The following ZFPM2 variants were observed in gnomAD, a reference collection of about 807,000 sequenced individuals.
ZFPM2 encodes the protein zinc finger protein ZFPM2.
ZFPM2 carries 20 observed loss-of-function variants against 98.6 expected under a neutral mutation model. That is an observed-to-expected ratio of 0.20 (90% CI 0.14 to 0.29). ZFPM2 has a LOEUF of 0.29. Among genes scored for constraint, ZFPM2 ranks in the 10% least tolerant of loss-of-function variants. The probability of loss-of-function intolerance (pLI) is 1.00; values close to 1 mark genes in which losing one functional copy is unlikely to be tolerated. For synonymous variants in ZFPM2, 518 were observed against 502.7 expected, an observed-to-expected ratio of 1.03 and a Z score of -0.41; for missense variants, 1,310 against 1,388.6, an observed-to-expected ratio of 0.94 and a Z score of 0.90.
At chr8:105,721,462 C>G in intron 5 of ZFPM2, among the ~76,000 whole-genome samples, 1 of 151,996 alleles carries the variant, frequency 6.6e-6, no homozygotes, top group East Asian at 1.9e-4. Flanking sequence ...TTATCTTTTT[C>G]TCACAGCTTT....
At chr8:105,370,475 A>C (rs1238590734) in intron 1 of ZFPM2, among the ~76,000 whole-genome samples, 1 of 152,220 alleles carries the variant, frequency 6.6e-6, no homozygotes, top group Non-Finnish European at 1.5e-5. Flanking sequence ...TGGGCTACAT[A>C]AACTTTATAA....
chr8:105,500,591 G>A (rs147879328), intron 3 of ZFPM2, among the ~76,000 whole-genome samples: 18 of 152,128 alleles, frequency 1.2e-4, no homozygotes, highest in East Asian at 5.8e-4. Flanking sequence ...GAGACAGAAC[G>A]TTAGGTTTTA....
chr8:105,334,081 G>A (rs2129638637), intron 1 of ZFPM2, among the ~76,000 whole-genome samples: 1 of 146,798 alleles, frequency 6.8e-6, no homozygotes, highest in East Asian at 2.1e-4. Flanking sequence ...GTGAATGTCA[G>A]TATTTTCATA....
intron 3 of ZFPM2, among the ~76,000 whole-genome samples, chr8:105,500,458 A>G (rs949343829): frequency 5.9e-5 from 9 of 152,170 alleles, no homozygotes; most frequent in African/African-American, 1.9e-4. Context: ...TCTGGCCTGT[A>G]TCCCTTCTGT....
chr8:105,705,151 G>GAT lies in ZFPM2; in HGVS notation c.532+70809_532+70810dup, dbSNP rs10538317. Among the ~76,000 whole-genome samples, 193 of 149,170 alleles carry GAT rather than the reference G, an allele frequency of 1.3e-3. 1 individual carries two copies. The highest frequency in any genetic ancestry group is 2.1e-3 in the African/African-American group (86 of 40,200). ...TGCCTCTTTATGTGTTTTCTGAATT[G>GAT]ATATATATATATATATGTATTCTGA... On this transcript the variant is annotated intron_variant, in intron 5 of 7. Coordinates refer to ENST00000407775, the MANE Select transcript of ZFPM2 (RefSeq NM_012082.4).
At chr8:105,358,341 C>G (rs1812788947) in intron 1 of ZFPM2, 1 of 151,842 alleles carries the variant, frequency 6.6e-6, no homozygotes, top group Non-Finnish European at 1.5e-5. Flanking sequence ...ATGCCTGGCC[C>G]CAAGGTTTAT....
chr8:105,481,187 T>C (rs1281722592), intron 3 of ZFPM2, among the ~76,000 whole-genome samples: 1 of 152,104 alleles, frequency 6.6e-6, no homozygotes, highest in Non-Finnish European at 1.5e-5. Flanking sequence ...GTAAGAATAT[T>C]TCTAAAAAAA....
chr8:105,619,703 G>GC (rs1755298852), intron 4 of ZFPM2, among the ~76,000 whole-genome samples: 1 of 149,816 alleles, frequency 6.7e-6, no homozygotes, highest in African/African-American at 2.5e-5. Flanking sequence ...CCCGCGACAG[G>GC]CCCCAGTGTG....
chr8:105,455,513 A>T (rs968518943), intron 3 of ZFPM2, among the ~76,000 whole-genome samples: 6 of 151,690 alleles, frequency 4.0e-5, no homozygotes, highest in Non-Finnish European at 8.8e-5. Flanking sequence ...GTAGTCTGTA[A>T]TACTATTATT....
At position 105,517,578 on chromosome 8, in the gene ZFPM2, A is replaced by G. The variant is rs144180314; in HGVS notation, c.302-43785A>G. ...TTAAGATCTACTCTTGGCTGGATGCAATGGTTCACGCCTGTAATCCCAGCA... is the reference window on the plus strand; with the variant it reads ...TTAAGATCTACTCTTGGCTGGATGCGATGGTTCACGCCTGTAATCCCAGCA... On this transcript the variant is annotated intron_variant, in intron 3 of 7. Transcript: ENST00000407775. Among the ~76,000 whole-genome samples the G allele has an allele frequency of 6.0e-4, 92 of 152,088 alleles. 1 individual carries two copies. Among genetic ancestry groups the G allele is most frequent in the African/African-American group, 2.0e-3 (81 of 41,494 alleles).
chr8:105,334,118 CTGTGTGTG>C (rs71305145), intron 1 of ZFPM2, among the ~76,000 whole-genome samples: 9 of 120,398 alleles, frequency 7.5e-5, no homozygotes, highest in African/African-American at 1.4e-4. Flanking sequence ...TAGTAATAAA[CTGTGTGTG>C]TGTGTGTGTG....
chr8:105,802,651 A>T lies in ZFPM2; in HGVS notation c.2569A>T (p.Thr857Ser). The T allele has an allele frequency of 1.2e-6, 2 of 1,611,108 alleles. No homozygotes were observed. Among genetic ancestry groups the T allele is most frequent in the South Asian group, 1.1e-5 (1 of 90,486 alleles). Residue 857 changes from threonine to serine, a missense_variant, in exon 8 of 8, where the codon ACT becomes TCT. By Grantham distance (58) the Thr-to-Ser change is moderately conservative (BLOSUM62 1). Transcript: ENST00000407775. ...PKRLLDYHEC[T>S]VCKISFNKVE... ...AAGGCTGCTGGACTATCACGAGTGC[A>T]CTGTGTGCAAGATCAGTTTCAATAA...
intron 5 of ZFPM2, among the ~76,000 whole-genome samples, chr8:105,782,691 T>C (rs1813285252): frequency 6.6e-6 from 1 of 152,114 alleles, no homozygotes; most frequent in Non-Finnish European, 1.5e-5. Flanking sequence ...TAATTTTGGG[T>C]AATATTTATA....
At chr8:105,505,007 A>G (rs1294034374) in intron 3 of ZFPM2, among the ~76,000 whole-genome samples, 27 of 152,296 alleles carry the variant, frequency 1.8e-4, no homozygotes, top group Non-Finnish European at 2.8e-4. Flanking sequence ...ATTCACAAAA[A>G]TGTCAGTCTA....
At position 105,778,413 on chromosome 8, in the gene ZFPM2, A is replaced by G. The variant is rs184812054; in HGVS notation, c.533-10305A>G. On this transcript the variant is annotated intron_variant, in intron 5 of 7. Coordinates refer to ENST00000407775, the MANE Select transcript of ZFPM2 (RefSeq NM_012082.4). ...AAAAATGAAAGAAGTTAATGACCAAACAAGTAAGTATTCCGCTTTTCTCCA... is the reference window on the plus strand; with the variant it reads ...AAAAATGAAAGAAGTTAATGACCAAGCAAGTAAGTATTCCGCTTTTCTCCA... Among the ~76,000 whole-genome samples the G allele has an allele frequency of 2.0e-3, 301 of 152,188 alleles. 1 individual carries two copies. Among genetic ancestry groups the G allele is most frequent in the African/African-American group, 6.6e-3 (272 of 41,520 alleles).
intron 4 of ZFPM2, among the ~76,000 whole-genome samples, chr8:105,583,094 G>A (rs1815638008): frequency 6.6e-6 from 1 of 152,112 alleles, no homozygotes; most frequent in Non-Finnish European, 1.5e-5. Flanking sequence ...AATCAGTTAT[G>A]CAACATCTTT....
rs200863083 is a variant in ZFPM2, at chr8:105,665,581, CA to C, written c.532+31226del. On this transcript the variant is annotated intron_variant, in intron 5 of 7. Coordinates refer to ENST00000407775, the MANE Select transcript of ZFPM2 (RefSeq NM_012082.4). Reference sequence around the variant, plus strand: ...TACTTATTTTTGTAAAGAATCAAGACAACCTATAAATGCTACAATACACTAA... The same window carrying C: ...TACTTATTTTTGTAAAGAATCAAGACACCTATAAATGCTACAATACACTAA... Among the ~76,000 whole-genome samples, 1,287 of 152,206 alleles carry C rather than the reference CA, an allele frequency of 8.5e-3. 17 individuals are homozygous for C. Among genetic ancestry groups the C allele is most frequent in the African/African-American group, 0.028 (1,153 of 41,518 alleles).
chr8:105,577,724 G>A (rs1563727334), intron 4 of ZFPM2, among the ~76,000 whole-genome samples: 1 of 150,420 alleles, frequency 6.6e-6, no homozygotes, highest in Non-Finnish European at 1.5e-5. Flanking sequence ...ACCACATAGA[G>A]CGTTATAAAA....
intron 1 of ZFPM2, among the ~76,000 whole-genome samples, chr8:105,333,549 G>C (rs1372340645): frequency 2.0e-5 from 3 of 151,642 alleles, no homozygotes; most frequent in Non-Finnish European, 4.4e-5. Context: ...AGACAGTCTG[G>C]CATTTTATAG....
Sources: gnomAD v4.1 joint callset for allele counts (sites outside exome capture counted in the v4.1 genomes callset) on GRCh38, gnomAD v4.1.1 for gene constraint, MANE v1.5 for transcripts, NCBI Gene and HGNC (gene_info 2026-07-23, HGNC 2026-07-21) for gene names.